UNC13B: variants seen among roughly 807,000 people sequenced by gnomAD.
The protein encoded by UNC13B is unc-13 homolog B, also known as protein unc-13 homolog B.
UNC13B carries 144 observed loss-of-function variants against 211.0 expected under a neutral mutation model. The ratio of observed to expected loss-of-function variants is 0.68; its 90% CI spans 0.60 to 0.78. The LOEUF is 0.78. Ranked by LOEUF, UNC13B falls within the 30% of genes least tolerant of loss-of-function variation. The pLI is 0.00. For missense variants in UNC13B, 1,777 were observed against 2,002.0 expected, an observed-to-expected ratio of 0.89 and a Z score of 2.14; for synonymous variants, 709 against 725.8, an observed-to-expected ratio of 0.98 and a Z score of 0.37.
At chr9:35,326,824 CTG>C (rs1831044937) in intron 11 of UNC13B, among the ~76,000 whole-genome samples, 2 of 152,184 alleles carry the variant, frequency 1.3e-5, no homozygotes, top group South Asian at 4.1e-4. Context: ...CAGCAGGTAA[CTG>C]AAACCACAGA....
intron 11 of UNC13B, chr9:35,352,475 G>C: frequency 2.4e-6 from 3 of 1,232,074 alleles, no homozygotes; most frequent in Non-Finnish European, 3.0e-6. Context: ...TCCCCAGAAG[G>C]AGTCTATATC....
Position 35,396,239 on chromosome 9 carries a change from G to T in UNC13B, c.11309-237G>T, listed in dbSNP as rs112647160. 2.2e-3 allele frequency among the ~76,000 whole-genome samples: 340 copies of T among 152,340 alleles called. 2 individuals carry two copies. Among genetic ancestry groups the T allele is most frequent in the African/African-American group, 7.8e-3 (323 of 41,580 alleles). The stretch of plus-strand genomic sequence containing the variant: ...TTCCAAACGCTAGAGCAAAAAGACT[G>T]CAGGCTTTATCTGGGAGTCTGGCTT... On this transcript the variant is annotated intron_variant, in intron 26 of 39. Coordinates refer to ENST00000635942, the MANE Select transcript of UNC13B (RefSeq NM_001371189.2).
At chr9:35,171,055 C>T (rs796784778) in intron 1 of UNC13B, among the ~76,000 whole-genome samples, 4 of 151,988 alleles carry the variant, frequency 2.6e-5, no homozygotes, top group African/African-American at 4.8e-5. Flanking sequence ...GTGGTCTGCC[C>T]GCCTCAGCCT....
chr9:35,164,530 C>T (rs1820933790), intron 1 of UNC13B, among the ~76,000 whole-genome samples: 1 of 152,220 alleles, frequency 6.6e-6, no homozygotes, highest in African/African-American at 2.4e-5. Flanking sequence ...CATTCCTAAA[C>T]ATTTCATTCA....
At chr9:35,322,943 A>T (rs1284222361) in intron 11 of UNC13B, among the ~76,000 whole-genome samples, 2 of 152,116 alleles carry the variant, frequency 1.3e-5, no homozygotes, top group Non-Finnish European at 2.9e-5. Context: ...TTCTAAAAAA[A>T]ACTGAAGAAT....
In UNC13B at chr9:35,368,681, G is replaced by A. The variant is rs573814012; in HGVS notation, c.9462-1637G>A. Among the ~76,000 whole-genome samples, 4 of 149,414 alleles carry A rather than the reference G, an allele frequency of 2.7e-5. No individual in the cohort carries two copies. In the East Asian group the frequency reaches 7.8e-4, roughly 29 times the overall value. On this transcript the variant is annotated intron_variant, in intron 12 of 39. Coordinates refer to ENST00000635942, the MANE Select transcript of UNC13B (RefSeq NM_001371189.2). ...ACTAATTTACACTCCTGCCAACAGTGTATAAGTGTTCTCTTTTCCCTGCAG... is the reference window on the plus strand; with the variant it reads ...ACTAATTTACACTCCTGCCAACAGTATATAAGTGTTCTCTTTTCCCTGCAG...
chr9:35,364,504 T>G (rs1833643714), intron 11 of UNC13B: 1 of 1,535,678 alleles, frequency 6.5e-7, no homozygotes, highest in Non-Finnish European at 8.7e-7. Context: ...CTGACTCTAC[T>G]AACCTTTCTG....
intron 1 of UNC13B, among the ~76,000 whole-genome samples, chr9:35,164,728 G>A (rs531608858): frequency 1.3e-5 from 2 of 152,262 alleles, no homozygotes; most frequent in East Asian, 1.9e-4. Flanking sequence ...TGAAATACTC[G>A]TTCCATATTT....
intron 6 of UNC13B, among the ~76,000 whole-genome samples, chr9:35,247,116 C>T (rs548098663): frequency 3.3e-5 from 5 of 152,100 alleles, no homozygotes; most frequent in East Asian, 1.9e-4. Flanking sequence ...TTTGAAGCAA[C>T]TGTGAATGGG....
chr9:35,364,672 C>T, intron 11 of UNC13B: 4 of 1,250,236 alleles, frequency 3.2e-6, no homozygotes, highest in Admixed American at 2.3e-5. Flanking sequence ...TGTACATGCA[C>T]ATGTGCGTGC....
At chr9:35,382,286 T>C in intron 20 of UNC13B, 71 bp from the exon 21 acceptor site, 1 of 1,543,996 alleles carries the variant, frequency 6.5e-7, no homozygotes, top group East Asian at 2.3e-5. Context: ...CCATAAACTT[T>C]TAGAGTTCCT....
chr9:35,350,359 A>G (rs1587675736), intron 11 of UNC13B, among the ~76,000 whole-genome samples: 2 of 152,148 alleles, frequency 1.3e-5, no homozygotes, highest in Admixed American at 6.5e-5. Context: ...GTCCCATGTG[A>G]TATTCTCTCT....
chr9:35,283,163 A>G (rs891165091), intron 7 of UNC13B, among the ~76,000 whole-genome samples: 2 of 152,020 alleles, frequency 1.3e-5, no homozygotes, highest in African/African-American at 4.8e-5. Context: ...TTTTTCCTCT[A>G]TGGCACTTTC....
intron 11 of UNC13B, chr9:35,360,483 G>A (rs1330353533): frequency 1.3e-5 from 2 of 152,172 alleles, no homozygotes; most frequent in Non-Finnish European, 2.9e-5. Context: ...ATAAGTGTTT[G>A]ATTAGTATCA....
At position 35,306,908 on chromosome 9, in the gene UNC13B, T is replaced by TTTCTCTCTTG. The variant is rs1829953125; in HGVS notation, c.7504_7505insTTCTCTCTTG (p.Ser2502PhefsTer11). 1 of 398,938 alleles carries TTTCTCTCTTG rather than the reference T, an allele frequency of 2.5e-6. No individual in the cohort carries two copies. The highest frequency in any genetic ancestry group is 2.1e-5 in the African/African-American group (1 of 48,628). 24.7% of individuals were successfully genotyped at this position (398,938 alleles called of 1,614,324 possible). On this transcript the variant is annotated frameshift_variant, in exon 9 of 40. Transcript: ENST00000635942. LOFTEE classifies it high-confidence loss of function. ...CTTTTTCTCTCTTGCTTCTGATGTA[T>TTTCTCTCTTG]CATCTCAGCCCCTCAAAGGTGAATT... is the stretch of plus-strand genomic sequence containing the variant.
intron 7 of UNC13B, among the ~76,000 whole-genome samples, chr9:35,285,410 C>G (rs575388859): frequency 6.6e-5 from 10 of 152,204 alleles, no homozygotes; most frequent in South Asian, 6.2e-4. Flanking sequence ...TAAACAAGAG[C>G]CTCAAGTAAT....
chr9:35,333,382 G>A (rs1366818107), intron 11 of UNC13B, among the ~76,000 whole-genome samples: 2 of 152,134 alleles, frequency 1.3e-5, no homozygotes, highest in African/African-American at 4.8e-5. Context: ...GTAACCTTAG[G>A]CTTAGGCAAG....
chr9:35,353,061 A>T (rs1209152986), intron 11 of UNC13B: 1 of 1,232,124 alleles, frequency 8.1e-7, no homozygotes, highest in Non-Finnish European at 1.0e-6. Flanking sequence ...CTTTTGGCAG[A>T]CAAGTCCAGA....
At chr9:35,352,497 A>C in intron 11 of UNC13B, 1 of 1,232,096 alleles carries the variant, frequency 8.1e-7, no homozygotes, top group Non-Finnish European at 1.0e-6. Context: ...TTTTTTCAAC[A>C]ACAACATCAG....
Sources: gnomAD v4.1 joint callset for allele counts (sites outside exome capture counted in the v4.1 genomes callset) on GRCh38, gnomAD v4.1.1 for gene constraint, MANE v1.5 for transcripts, NCBI Gene and HGNC (gene_info 2026-07-23, HGNC 2026-07-21) for gene names.